The following COL28A1 variants were observed in gnomAD, a reference collection of about 807,000 sequenced individuals.
COL28A1 encodes collagen type XXVIII alpha 1 chain, also known as collagen alpha-1(XXVIII) chain.
COL28A1 carries 161 observed loss-of-function variants against 150.2 expected under a neutral mutation model. That is an observed-to-expected ratio of 1.07 (90% CI 0.94 to 1.22). The LOEUF (loss-of-function observed/expected upper bound fraction) is 1.22, where lower values mean the gene tolerates loss of function less well. COL28A1 is among the 50% of genes most tolerant of loss of function. The pLI is 0.00. For synonymous variants in COL28A1, 552 were observed against 469.7 expected, an observed-to-expected ratio of 1.18 and a Z score of -2.26; for missense variants, 1,617 against 1,388.3, an observed-to-expected ratio of 1.16 and a Z score of -2.62.
chr7:7,489,012 G>C (rs1162908955), intron 13 of COL28A1, among the ~76,000 whole-genome samples: 1 of 152,182 alleles, frequency 6.6e-6, no homozygotes, highest in East Asian at 1.9e-4. Context: ...TGCTCGTAAA[G>C]ATGCAAGGTG....
At chr7:7,367,116 A>G (rs1780976197) in intron 33 of COL28A1, among the ~76,000 whole-genome samples, 1 of 152,220 alleles carries the variant, frequency 6.6e-6, no homozygotes, top group Non-Finnish European at 1.5e-5. Context: ...ATATATAGAT[A>G]CTTACCACTG....
intron 27 of COL28A1, among the ~76,000 whole-genome samples, chr7:7,386,632 G>A (rs552145310): frequency 2.0e-5 from 3 of 152,262 alleles, no homozygotes; most frequent in African/African-American, 7.2e-5. Context: ...TAGCAGGAGG[G>A]GATAGGACCC....
intron 33 of COL28A1, among the ~76,000 whole-genome samples, chr7:7,369,338 TGTGA>T (rs1781100047): frequency 6.6e-6 from 1 of 152,232 alleles, no homozygotes; most frequent in Admixed American, 6.5e-5. Flanking sequence ...TATCTGTTCT[TGTGA>T]GTAAGTTTCA....
At chr7:7,429,462 G>C (rs890037694) in intron 25 of COL28A1, among the ~76,000 whole-genome samples, 2 of 128,122 alleles carry the variant, frequency 1.6e-5, no homozygotes, top group Non-Finnish European at 3.2e-5. Context: ...TCTGTGCTCT[G>C]TGTGTGTGTG....
intron 33 of COL28A1, among the ~76,000 whole-genome samples, chr7:7,364,076 T>C (rs1780809455): frequency 6.6e-6 from 1 of 152,192 alleles, no homozygotes; most frequent in Non-Finnish European, 1.5e-5. Context: ...TAGGAAAAGT[T>C]GGTCTCCATC....
chr7:7,475,588 T>G (rs1788799877), intron 14 of COL28A1, among the ~76,000 whole-genome samples: 2 of 152,236 alleles, frequency 1.3e-5, no homozygotes, highest in Admixed American at 1.3e-4. Context: ...AAAAGTATGT[T>G]GAACCTGTCA....
intron 33 of COL28A1, among the ~76,000 whole-genome samples, chr7:7,368,768 T>C (rs1308896113): frequency 6.6e-6 from 1 of 152,212 alleles, no homozygotes; most frequent in African/African-American, 2.4e-5. Flanking sequence ...TCCAGAACTG[T>C]GAAAAATAAA....
chr7:7,361,939 C>G (rs992418240), intron 33 of COL28A1, among the ~76,000 whole-genome samples: 3 of 152,056 alleles, frequency 2.0e-5, no homozygotes, highest in Non-Finnish European at 2.9e-5. Flanking sequence ...AACAGAAAAC[C>G]AAACACCACA....
intron 27 of COL28A1, among the ~76,000 whole-genome samples, chr7:7,393,595 G>A (rs1165710972): frequency 8.3e-6 from 1 of 120,042 alleles, no homozygotes; most frequent in Non-Finnish European, 1.7e-5. Context: ...GGGAGACGGG[G>A]GTTTTATCTA....
chr7:7,517,453 T>C (rs1468050883), intron 7 of COL28A1, among the ~76,000 whole-genome samples: 1 of 152,216 alleles, frequency 6.6e-6, no homozygotes, highest in East Asian at 1.9e-4. Context: ...GACCATGTAG[T>C]TCTTATGCTC....
At chr7:7,361,581 T>C (rs1295380003) in intron 33 of COL28A1, among the ~76,000 whole-genome samples, 1 of 152,238 alleles carries the variant, frequency 6.6e-6, no homozygotes, top group Non-Finnish European at 1.5e-5. Flanking sequence ...TCTACATTTC[T>C]CTAATGACCA....
chr7:7,457,991 A>C (rs1787307776), intron 15 of COL28A1, among the ~76,000 whole-genome samples: 1 of 152,228 alleles, frequency 6.6e-6, no homozygotes, highest in South Asian at 2.1e-4. Flanking sequence ...CTTTGGTAGT[A>C]CAAAAGTAGC....
At position 7,365,561 on chromosome 7, in the gene COL28A1, T is replaced by A. The variant is rs144154617; in HGVS notation, c.3067-5033A>T. ...ACATGTATGCATGAGCTAAGAAGGA[T>A]TGCTGACCAGGTGCCACATCCAAAA... On this transcript the variant is annotated intron_variant, in intron 33 of 34. Transcript: ENST00000399429. Among the ~76,000 whole-genome samples, 45 of 152,300 alleles carry A rather than the reference T, an allele frequency of 3.0e-4. No individual in the cohort carries two copies. In the East Asian group the frequency reaches 7.7e-3, roughly 26 times the overall value.
At chr7:7,541,051 A>G in the COL28A1 span, among the ~76,000 whole-genome samples, 3 of 152,248 alleles carry the variant, frequency 2.0e-5, no homozygotes, top group Admixed American at 6.5e-5. Flanking sequence ...AAGTTTTAAA[A>G]TAACTCTTCT....
At chr7:7,351,932 T>A (rs1230373575), downstream of COL28A1, among the ~76,000 whole-genome samples, 1 of 152,118 alleles carries the variant, frequency 6.6e-6, no homozygotes, top group East Asian at 1.9e-4. Context: ...ACTTGTCTCA[T>A]TCTACTCTCT....
rs1782351656 is a variant in COL28A1, at chr7:7,531,487, G to C, written c.542C>G (p.Ser181Ter). Residue 181 changes from serine to a stop codon, truncating the protein, a stop_gained, in exon 3 of 35, where the codon TCA (serine) becomes TGA (stop). Transcript: ENST00000399429. LOFTEE classifies it high-confidence loss of function. ...TGCAATGGTGATAAATGATATTCCTGAAATTCTGGCATCTTCAGAAATACT... is the reference window on the plus strand; with the variant it reads ...TGCAATGGTGATAAATGATATTCCTCAAATTCTGGCATCTTCAGAAATACT... ...VQSISEDARI[S>*]GISFITIALS... The C allele has an allele frequency of 6.2e-7, 1 of 1,607,808 alleles. No individual in the cohort carries two copies. Among genetic ancestry groups the C allele is most frequent in the African/African-American group, 1.3e-5 (1 of 74,822 alleles).
rs577559320 is a variant in COL28A1, at chr7:7,430,147, AAT to A, written c.1998+2324_1998+2325del. Among the ~76,000 whole-genome samples the A allele has an allele frequency of 4.6e-3, 694 of 151,744 alleles. 3 individuals are homozygous for A. Among genetic ancestry groups the A allele is most frequent in the Non-Finnish European group, 8.6e-3 (581 of 67,884 alleles). Reference sequence around the variant, plus strand: ...GGTTTTTTATGTTCTTTTTTTTTGAAATGGAGTTTCGCTCTGTCGCCCAGGCT... The same window carrying A: ...GGTTTTTTATGTTCTTTTTTTTTGAAGGAGTTTCGCTCTGTCGCCCAGGCT... On this transcript the variant is annotated intron_variant, in intron 25 of 34. Coordinates refer to ENST00000399429, the MANE Select transcript of COL28A1 (RefSeq NM_001037763.3).
rs73049757 is a variant in COL28A1, at chr7:7,501,762, T to G, written c.1026+4252A>C. Among the ~76,000 whole-genome samples the G allele has an allele frequency of 2.2e-3, 335 of 152,052 alleles. 1 individual carries two copies. Among genetic ancestry groups the G allele is most frequent in the Admixed American group, 3.9e-3 (59 of 15,290 alleles). ...CCCCATGGAAGGCAGCAGCGTTGGG[T>G]TTTTAGGGGTTCAGTCTTTCCTCAG... is the stretch of plus-strand genomic sequence containing the variant. On this transcript the variant is annotated intron_variant, in intron 11 of 34. Transcript: ENST00000399429.
At chr7:7,513,847 C>T (rs1781280780) in intron 8 of COL28A1, among the ~76,000 whole-genome samples, 1 of 152,176 alleles carries the variant, frequency 6.6e-6, no homozygotes, top group Admixed American at 6.5e-5. Flanking sequence ...TTATTTGCCT[C>T]TGCAAAGGCG....
Sources: gnomAD v4.1 joint callset for allele counts (sites outside exome capture counted in the v4.1 genomes callset) on GRCh38, gnomAD v4.1.1 for gene constraint, MANE v1.5 for transcripts, NCBI Gene and HGNC (gene_info 2026-07-23, HGNC 2026-07-21) for gene names.